GPR160: variants seen among roughly 807,000 people sequenced by gnomAD.
GPR160 encodes the protein G protein-coupled receptor 160, also known as probable G protein-coupled receptor 160.
GPR160 carries 2 observed loss-of-function variants against 2.6 expected under a neutral mutation model. That is an observed-to-expected ratio of 0.77 (90% confidence interval 0.32 to 2.44). The LOEUF is 2.44. GPR160 is among the 30% of genes most tolerant of loss of function. The pLI is 0.11. For synonymous variants in GPR160, 130 were observed against 132.2 expected (o/e 0.98, Z 0.12); for missense variants, 351 against 383.6 (o/e 0.91, Z 0.71).
chr3:170,046,124 G>C (rs1429967019), intron 2 of GPR160, among the ~76,000 whole-genome samples: 2 of 152,168 alleles, frequency 1.3e-5, no homozygotes, highest in African/African-American at 2.4e-5. Context: ...AAGACCACAG[G>C]GAAGAAATGC....
intron 2 of GPR160, among the ~76,000 whole-genome samples, chr3:170,049,314 T>C (rs763512472): frequency 1.3e-5 from 2 of 152,258 alleles, no homozygotes; most frequent in Non-Finnish European, 2.9e-5. Context: ...TATGACTGTC[T>C]GATAATTCAT....
chr3:170,043,799 T>TAA (rs931245647), intron 2 of GPR160, among the ~76,000 whole-genome samples: 3 of 150,674 alleles, frequency 2.0e-5, no homozygotes, highest in South Asian at 4.2e-4. Flanking sequence ...GCATAGAGCT[T>TAA]AAAAAAAAAC....
chr3:170,053,115 A>G (rs912924589), intron 2 of GPR160, among the ~76,000 whole-genome samples: 1 of 152,166 alleles, frequency 6.6e-6, no homozygotes, highest in African/African-American at 2.4e-5. Context: ...TGGCTATTCT[A>G]ACCCTTTGTA....
intron 2 of GPR160, among the ~76,000 whole-genome samples, chr3:170,068,067 T>TG (rs1192669633): frequency 6.6e-6 from 1 of 152,214 alleles, no homozygotes; most frequent in Non-Finnish European, 1.5e-5. Flanking sequence ...GGTGGTGGGT[T>TG]GGGGAGAAGT....
chr3:170,074,447 G>T (rs976480043), intron 2 of GPR160, among the ~76,000 whole-genome samples: 1 of 151,622 alleles, frequency 6.6e-6, no homozygotes, highest in Non-Finnish European at 1.5e-5. Context: ...TTGTTTTGGG[G>T]TTGTTGTTGT....
intron 2 of GPR160, among the ~76,000 whole-genome samples, chr3:170,073,567 G>A (rs994363427): frequency 6.6e-6 from 1 of 152,130 alleles, no homozygotes; most frequent in African/African-American, 2.4e-5. Context: ...TGTTAATGTG[G>A]TGAATTACAT....
intron 3 of GPR160, among the ~76,000 whole-genome samples, chr3:170,081,692 A>G (rs1713135399): frequency 6.6e-6 from 1 of 152,180 alleles, no homozygotes; most frequent in Middle Eastern, 3.4e-3. Flanking sequence ...TCTAGTACCT[A>G]ATAGTTATTG....
chr3:170,045,478 G>A (rs898112348), intron 2 of GPR160, among the ~76,000 whole-genome samples: 4 of 137,284 alleles, frequency 2.9e-5, no homozygotes, highest in Non-Finnish European at 4.6e-5. Context: ...GCACTCGCCT[G>A]TAGTCCCAGC....
chr3:170,081,174 C>A (rs2241292), intron 3 of GPR160, among the ~76,000 whole-genome samples: 2 of 152,230 alleles, frequency 1.3e-5, no homozygotes, highest in Admixed American at 1.3e-4. Flanking sequence ...TAAAACTAAG[C>A]CTTTTTTGTT....
At chr3:170,047,467 A>G (rs1207870070) in intron 2 of GPR160, among the ~76,000 whole-genome samples, 1 of 152,064 alleles carries the variant, frequency 6.6e-6, no homozygotes, top group Non-Finnish European at 1.5e-5. Flanking sequence ...ATTTTGTTTT[A>G]CTTTGTTTTT....
At chr3:170,072,024 G>T (rs1319066640) in intron 2 of GPR160, among the ~76,000 whole-genome samples, 2 of 151,234 alleles carry the variant, frequency 1.3e-5, no homozygotes, top group Non-Finnish European at 2.9e-5. Context: ...TTCCACTCTG[G>T]GGCCATTGGT....
At chr3:170,051,778 C>T (rs1195886150) in intron 2 of GPR160, among the ~76,000 whole-genome samples, 1 of 151,970 alleles carries the variant, frequency 6.6e-6, no homozygotes, top group Non-Finnish European at 1.5e-5. Flanking sequence ...TTTCCCCAGA[C>T]CCATGACTTT....
At chr3:170,078,058 A>C (rs1712954719) in intron 2 of GPR160, 1 of 152,210 alleles carries the variant, frequency 6.6e-6, no homozygotes, top group Non-Finnish European at 1.5e-5. Context: ...AAAAGTATTG[A>C]AACAACTGCT....
chr3:170,074,217 CT>C (rs1712741529), intron 2 of GPR160, among the ~76,000 whole-genome samples: 1 of 151,888 alleles, frequency 6.6e-6, no homozygotes, highest in African/African-American at 2.4e-5. Context: ...ATTTAGGGAT[CT>C]TTTGGACGGA....
At chr3:170,051,534 G>A (rs1716957135) in intron 2 of GPR160, among the ~76,000 whole-genome samples, 1 of 152,154 alleles carries the variant, frequency 6.6e-6, no homozygotes, top group South Asian at 2.1e-4. Flanking sequence ...AGATCAGCCT[G>A]GCCAACATGG....
intron 2 of GPR160, among the ~76,000 whole-genome samples, chr3:170,064,593 G>A (rs953384050): frequency 3.6e-5 from 5 of 139,790 alleles, no homozygotes; most frequent in African/African-American, 5.3e-5. Context: ...ATCTCGGCTC[G>A]CTGCAATCTC....
intron 2 of GPR160, among the ~76,000 whole-genome samples, chr3:170,045,527 T>G (rs11719255): frequency 0.33 from 47,864 of 145,480 alleles, 7,836 homozygotes; most frequent in East Asian, 0.52. Context: ...GAGGTGGAGG[T>G]TGCAGTGAGC....
At chr3:170,042,420 C>CAAAA (rs34452268) in intron 2 of GPR160, among the ~76,000 whole-genome samples, 42 of 103,902 alleles carry the variant, frequency 4.0e-4, no homozygotes, top group African/African-American at 1.2e-3. Flanking sequence ...GATACTGCCT[C>CAAAA]AAAAAAAAAA....
In GPR160 at chr3:170,083,987, T is replaced by C; in HGVS notation, c.15T>C (p.Ser5=). 1 of 1,495,092 alleles carries C rather than the reference T, an allele frequency of 6.7e-7. No individual in the cohort carries two copies. The highest frequency in any genetic ancestry group is 1.4e-5 in the South Asian group (1 of 69,806). 92.6% of individuals were successfully genotyped at this position (1,495,092 alleles called of 1,614,324 possible). ...TAACTAAAAATATGACTGCTCTCTC[T>C]TCAGAGAACTGCTCTTTTCAGTACC... is the stretch of plus-strand genomic sequence containing the variant. MTAL[S]SENCSFQYQL... The change falls in exon 4 of 4, where the codon TCT becomes TCC. Residue 5 remains serine (S), a synonymous_variant. Transcript: ENST00000355897.
Sources: gnomAD v4.1 joint callset for allele counts (sites outside exome capture counted in the v4.1 genomes callset) on GRCh38, gnomAD v4.1.1 for gene constraint, MANE v1.5 for transcripts, NCBI Gene and HGNC (gene_info 2026-07-23, HGNC 2026-07-21) for gene names.